DNAJC17: variants seen among roughly 807,000 people sequenced by gnomAD.
The protein encoded by DNAJC17 is dnaJ homolog subfamily C member 17.
A neutral mutation model predicts 48.1 loss-of-function variants in DNAJC17; 35 were observed. The ratio of observed to expected loss-of-function variants is 0.73; its 90% CI spans 0.56 to 0.96. The LOEUF is 0.96. Among genes scored for constraint, DNAJC17 ranks in the 50% least tolerant of loss-of-function variants. DNAJC17 has a pLI of 0.00. For synonymous variants in DNAJC17, 117 were observed against 142.7 expected, an observed-to-expected ratio of 0.82 and a Z score of 1.28; for missense variants, 355 against 377.1, an observed-to-expected ratio of 0.94 and a Z score of 0.48.
In DNAJC17 at chr15:40,804,103, A is replaced by C. The variant is rs1217305453; in HGVS notation, c.78+3266T>G. ...CACCTCAGCCTCCCATGTAGCGGGG[A>C]CTACAGGTGCGTAACACCCTGCCCA... On this transcript the variant is annotated intron_variant, in intron 1 of 10. Coordinates refer to ENST00000220496, the MANE Select transcript of DNAJC17 (RefSeq NM_018163.3). Among the ~76,000 whole-genome samples, 3 of 151,708 alleles carry C rather than the reference A, an allele frequency of 2.0e-5. 1 individual carries two copies. The highest frequency in any genetic ancestry group is 2.9e-5 in the Non-Finnish European group (2 of 67,948).
At chr15:40,793,085 G>T (rs1179950773) in intron 1 of DNAJC17, among the ~76,000 whole-genome samples, 1 of 151,886 alleles carries the variant, frequency 6.6e-6, no homozygotes, top group Non-Finnish European at 1.5e-5. Context: ...AGTAGAGACG[G>T]GGTTTCACCA....
chr15:40,784,243 A>C (rs1889584555), intron 1 of DNAJC17, among the ~76,000 whole-genome samples: 1 of 152,124 alleles, frequency 6.6e-6, no homozygotes, highest in African/African-American at 2.4e-5. Flanking sequence ...AGCAGTAAGA[A>C]AGCAAGACAG....
At chr15:40,774,536 T>A in intron 8 of DNAJC17, 100 bp from the exon 9 acceptor site, 1 of 1,307,240 alleles carries the variant, frequency 7.6e-7, no homozygotes, top group South Asian at 1.2e-5. Context: ...CCATGGGGCA[T>A]TTTCAGTTGG....
intron 7 of DNAJC17, 143 bp downstream of exon 7, chr15:40,775,410 G>C (rs778655827): frequency 2.5e-5 from 24 of 973,056 alleles, no homozygotes; most frequent in Non-Finnish European, 3.8e-5. Flanking sequence ...GGCGGCTGGA[G>C]CATGGAGGGA....
chr15:40,806,250 GCT>G (rs1364574865), intron 1 of DNAJC17, among the ~76,000 whole-genome samples: 1 of 133,700 alleles, frequency 7.5e-6, no homozygotes, highest in African/African-American at 2.9e-5. Flanking sequence ...AGACAGTCTC[GCT>G]CTGTCGCCCA....
At chr15:40,802,815 T>G (rs1023144085) in intron 1 of DNAJC17, among the ~76,000 whole-genome samples, 1 of 151,970 alleles carries the variant, frequency 6.6e-6, no homozygotes, top group Non-Finnish European at 1.5e-5. Context: ...TAAAATTCCC[T>G]CCTCTGGCCA....
intron 1 of DNAJC17, among the ~76,000 whole-genome samples, chr15:40,802,181 T>C (rs1278122341): frequency 6.6e-6 from 1 of 151,222 alleles, no homozygotes; most frequent in Non-Finnish European, 1.5e-5. Flanking sequence ...TTTTTTTTTT[T>C]TTTTTTCGAG....
chr15:40,797,717 C>CTTTTT (rs538219563), intron 1 of DNAJC17, among the ~76,000 whole-genome samples: 2 of 98,990 alleles, frequency 2.0e-5, no homozygotes, highest in Non-Finnish European at 4.1e-5. Context: ...TGGCCGATCT[C>CTTTTT]TTTTTTTTTT....
At chr15:40,806,650 G>A (rs979561764) in intron 1 of DNAJC17, among the ~76,000 whole-genome samples, 3 of 152,020 alleles carry the variant, frequency 2.0e-5, no homozygotes, top group African/African-American at 2.4e-5. Flanking sequence ...CCTCTCCTTC[G>A]TATATTGTTA....
chr15:40,806,747 C>T (rs1291845389), intron 1 of DNAJC17, among the ~76,000 whole-genome samples: 1 of 152,192 alleles, frequency 6.6e-6, no homozygotes, highest in Non-Finnish European at 1.5e-5. Context: ...TTTATCACCA[C>T]CTAAGGTAGC....
At chr15:40,778,437 G>A (rs1889389025) in intron 4 of DNAJC17, among the ~76,000 whole-genome samples, 1 of 152,204 alleles carries the variant, frequency 6.6e-6, no homozygotes, top group Non-Finnish European at 1.5e-5. Context: ...ATTTTTAGTA[G>A]AGAAGGGGTT....
chr15:40,792,724 A>AC (rs151069495), intron 1 of DNAJC17, among the ~76,000 whole-genome samples: 318 of 152,010 alleles, frequency 2.1e-3, no homozygotes, highest in African/African-American at 7.2e-3. Context: ...ACAGAGTGAG[A>AC]CCCCCAGAAA....
At chr15:40,791,198 A>C (rs997115347) in intron 1 of DNAJC17, among the ~76,000 whole-genome samples, 1 of 152,076 alleles carries the variant, frequency 6.6e-6, no homozygotes, top group Non-Finnish European at 1.5e-5. Context: ...ATAAATAAAC[A>C]AATAAATAAT....
At chr15:40,789,562 T>A (rs900741187) in intron 1 of DNAJC17, among the ~76,000 whole-genome samples, 2 of 152,048 alleles carry the variant, frequency 1.3e-5, no homozygotes, top group South Asian at 4.2e-4. Flanking sequence ...TAGATTCTCA[T>A]GCCCAGATCT....
chr15:40,768,194 C>T (rs1018013049), intron 10 of DNAJC17, 132 bp from the exon 11 acceptor site: 1 of 1,236,892 alleles, frequency 8.1e-7, no homozygotes, highest in Non-Finnish European at 1.1e-6. Flanking sequence ...AGGGAAGGAA[C>T]CCGGAGCATC....
At chr15:40,783,107 C>T (rs1889547923) in intron 1 of DNAJC17, among the ~76,000 whole-genome samples, 1 of 152,192 alleles carries the variant, frequency 6.6e-6, no homozygotes. Flanking sequence ...TTTTAGGTCC[C>T]TTATCATTCG....
intron 6 of DNAJC17, 41 bp from the exon 7 acceptor site, chr15:40,775,637 A>G: frequency 6.3e-7 from 1 of 1,594,192 alleles, no homozygotes; most frequent in South Asian, 1.1e-5. Context: ...AATATGAGGG[A>G]GTCAGAGATT....
intron 1 of DNAJC17, among the ~76,000 whole-genome samples, chr15:40,783,424 G>A (rs1324638686): frequency 6.6e-6 from 1 of 152,218 alleles, no homozygotes; most frequent in African/African-American, 2.4e-5. Context: ...AAGGGAGGGG[G>A]AGGCGGTCCA....
At chr15:40,801,126 T>A (rs1890063714) in intron 1 of DNAJC17, among the ~76,000 whole-genome samples, 1 of 152,314 alleles carries the variant, frequency 6.6e-6, no homozygotes, top group African/African-American at 2.4e-5. Context: ...TACTACTTCA[T>A]TCATTCAACA....
Sources: gnomAD v4.1 joint callset for allele counts (sites outside exome capture counted in the v4.1 genomes callset) on GRCh38, gnomAD v4.1.1 for gene constraint, MANE v1.5 for transcripts, NCBI Gene and HGNC (gene_info 2026-07-23, HGNC 2026-07-21) for gene names.